Variants in MAGI1 observed in about 807,000 individuals in gnomAD.
MAGI1 encodes the protein membrane associated guanylate kinase, WW and PDZ domain containing 1.
In MAGI1, 58 loss-of-function variants were observed where a neutral mutation model predicts 139.9. That is an observed-to-expected ratio of 0.41 (90% CI 0.34 to 0.52). The LOEUF is 0.52. Ranked by LOEUF, MAGI1 falls within the 20% of genes least tolerant of loss-of-function variation. The probability of loss-of-function intolerance (pLI) is 0.12; values close to 1 mark genes in which losing one functional copy is unlikely to be tolerated. For synonymous variants in MAGI1, 812 were observed against 737.9 expected (o/e 1.10, Z -1.63); for missense variants, 1,874 against 1,901.6 (o/e 0.99, Z 0.27).
chr3:65,976,686 A>G (rs1220384363), intron 1 of MAGI1, among the ~76,000 whole-genome samples: 1 of 152,230 alleles, frequency 6.6e-6, no homozygotes, highest in African/African-American at 2.4e-5. Context: ...GCTAAAAAAT[A>G]TTTTGATCAT....
chr3:65,962,816 C>G lies in MAGI1; in HGVS notation c.313+75180G>C, dbSNP rs192489798. On this transcript the variant is annotated intron_variant, in intron 1 of 22. Coordinates refer to ENST00000402939, the MANE Select transcript of MAGI1 (RefSeq NM_001033057.2). ...TTCCAGCCTGGGCAACAGAGCGAGA[C>G]TCTGTCTCGGGGGGAAAAAAAAAAA... Among the ~76,000 whole-genome samples, 852 of 116,272 alleles carry G rather than the reference C, an allele frequency of 7.3e-3. 8 individuals carry two copies. The highest frequency in any genetic ancestry group is 0.055 in the Middle Eastern group (9 of 164). 76.3% of individuals were successfully genotyped at this position (116,272 alleles called of 152,430 possible).
chr3:65,915,754 C>T (rs2061870814), intron 1 of MAGI1, among the ~76,000 whole-genome samples: 1 of 152,058 alleles, frequency 6.6e-6, no homozygotes, highest in Non-Finnish European at 1.5e-5. Flanking sequence ...AAAATGATGA[C>T]TATCAGGTAA....
chr3:65,950,941 T>TA (rs759223540), intron 1 of MAGI1, among the ~76,000 whole-genome samples: 5 of 128,112 alleles, frequency 3.9e-5, no homozygotes, highest in African/African-American at 6.1e-5. Flanking sequence ...GGAACAATGA[T>TA]AGTTGGTGAG....
chr3:65,974,662 G>T (rs1396779499), intron 1 of MAGI1, among the ~76,000 whole-genome samples: 1 of 152,086 alleles, frequency 6.6e-6, no homozygotes, highest in African/African-American at 2.4e-5. Context: ...TGGTCCAAAG[G>T]ATACTCTTCC....
chr3:65,392,214 T>C (rs1416203389), intron 13 of MAGI1, among the ~76,000 whole-genome samples: 2 of 152,320 alleles, frequency 1.3e-5, no homozygotes, highest in East Asian at 3.9e-4. Flanking sequence ...CTTCTCATTT[T>C]ACAAAAAGCT....
chr3:65,839,452 G>A (rs963569621), intron 1 of MAGI1, among the ~76,000 whole-genome samples: 5 of 151,678 alleles, frequency 3.3e-5, no homozygotes, highest in Middle Eastern at 3.2e-3. Context: ...AGGTCCTTCA[G>A]GAAGCATTCC....
chr3:65,689,515 A>T (rs2088383295), intron 1 of MAGI1, among the ~76,000 whole-genome samples: 2 of 152,224 alleles, frequency 1.3e-5, no homozygotes, highest in African/African-American at 4.8e-5. Context: ...GTTCTACAAT[A>T]ATAAAATATC....
intron 2 of MAGI1, among the ~76,000 whole-genome samples, chr3:65,528,120 T>C (rs1466828721): frequency 6.6e-6 from 1 of 152,170 alleles, no homozygotes; most frequent in Non-Finnish European, 1.5e-5. Flanking sequence ...CTTGCTCCAC[T>C]GCTATCATTT....
chr3:65,690,640 ATT>A (rs78131210), intron 1 of MAGI1, among the ~76,000 whole-genome samples: 22 of 130,484 alleles, frequency 1.7e-4, no homozygotes, highest in African/African-American at 5.3e-4. Flanking sequence ...TGTATTTTTA[ATT>A]TTTTTTTTTT....
chr3:65,395,918 G>T (rs1039940290), intron 13 of MAGI1, among the ~76,000 whole-genome samples: 1 of 152,046 alleles, frequency 6.6e-6, no homozygotes, highest in African/African-American at 2.4e-5. Flanking sequence ...AGGAGTGAAT[G>T]CGGAGAGGCC....
chr3:65,544,938 C>G (rs1001130947), intron 2 of MAGI1, among the ~76,000 whole-genome samples: 4 of 152,092 alleles, frequency 2.6e-5, no homozygotes, highest in African/African-American at 9.7e-5. Flanking sequence ...TGCATGTTAC[C>G]ATTTGCTAAT....
intron 1 of MAGI1, among the ~76,000 whole-genome samples, chr3:65,903,739 G>A (rs2061330146): frequency 6.6e-6 from 1 of 152,124 alleles, no homozygotes; most frequent in South Asian, 2.1e-4. Context: ...CAGGCGCAGT[G>A]GCTCACACCT....
intron 1 of MAGI1, among the ~76,000 whole-genome samples, chr3:65,861,146 C>A (rs1356280968): frequency 6.6e-6 from 1 of 152,194 alleles, no homozygotes; most frequent in Admixed American, 6.5e-5. Flanking sequence ...AGCAAGCCCC[C>A]CTCGCTCTAG....
chr3:65,969,338 G>A (rs2064909477), intron 1 of MAGI1, among the ~76,000 whole-genome samples: 1 of 152,154 alleles, frequency 6.6e-6, no homozygotes, highest in African/African-American at 2.4e-5. Flanking sequence ...GGCTGGTATG[G>A]TTCTGTGTTA....
chr3:66,005,915 C>A (rs1329450497), intron 1 of MAGI1, among the ~76,000 whole-genome samples: 1 of 152,156 alleles, frequency 6.6e-6, no homozygotes, highest in Non-Finnish European at 1.5e-5. Flanking sequence ...AGATTGCAAT[C>A]ACTTCTAGGG....
intron 4 of MAGI1, among the ~76,000 whole-genome samples, chr3:65,475,223 C>CT (rs983276824): frequency 6.6e-6 from 1 of 151,622 alleles, no homozygotes; most frequent in African/African-American, 2.4e-5. Flanking sequence ...TTTCTTCTTT[C>CT]TTTTTTTTGA....
intron 1 of MAGI1, among the ~76,000 whole-genome samples, chr3:66,015,964 G>A (rs948574303): frequency 6.6e-6 from 1 of 152,170 alleles, no homozygotes; most frequent in East Asian, 1.9e-4. Flanking sequence ...CATAAAGACA[G>A]TATACTTAGA....
chr3:65,766,838 G>C (rs1036643026), intron 1 of MAGI1, among the ~76,000 whole-genome samples: 1 of 151,764 alleles, frequency 6.6e-6, no homozygotes, highest in Non-Finnish European at 1.5e-5. Context: ...GCAGTGAGCC[G>C]AGATCACACC....
intron 1 of MAGI1, among the ~76,000 whole-genome samples, chr3:65,631,675 A>T (rs956914817): frequency 1.3e-5 from 2 of 152,212 alleles, no homozygotes; most frequent in African/African-American, 4.8e-5. Flanking sequence ...AAATAGCTCC[A>T]AAGTAGGTAC....
Sources: allele counts gnomAD v4.1 joint callset (sites outside exome capture counted in the v4.1 genomes callset), GRCh38; gene constraint gnomAD v4.1.1; transcripts MANE v1.5; gene names NCBI Gene and HGNC (gene_info 2026-07-23, HGNC 2026-07-21).